The following STK32C variants were observed in gnomAD, a reference collection of about 807,000 sequenced individuals.
The protein encoded by STK32C is serine/threonine-protein kinase 32C.
Under a neutral mutation model 56.5 loss-of-function variants are expected in STK32C, and 31 were observed. The ratio of observed to expected loss-of-function variants is 0.55; its 90% CI spans 0.41 to 0.74. STK32C has a LOEUF of 0.74. STK32C is among the 30% of genes least tolerant of loss of function. STK32C has a pLI of 0.00. For missense variants in STK32C, 544 were observed against 676.9 expected, an observed-to-expected ratio of 0.80 and a Z score of 2.18; for synonymous variants, 309 against 289.4, an observed-to-expected ratio of 1.07 and a Z score of -0.69.
intron 1 of STK32C, among the ~76,000 whole-genome samples, chr10:132,280,361 C>G (rs897368671): frequency 6.8e-6 from 1 of 146,190 alleles, no homozygotes; most frequent in Non-Finnish European, 1.5e-5. Context: ...CGTGACCATG[C>G]CCCTGCACTC....
At chr10:132,248,038 C>T (rs911326095) in intron 1 of STK32C, among the ~76,000 whole-genome samples, 3 of 151,514 alleles carry the variant, frequency 2.0e-5, no homozygotes, top group African/African-American at 7.3e-5. Flanking sequence ...CGGCAGCTGC[C>T]CCACCCTGCA....
intron 10 of STK32C, among the ~76,000 whole-genome samples, chr10:132,210,599 T>C (rs1321353735): frequency 6.6e-6 from 1 of 152,220 alleles, no homozygotes; most frequent in Non-Finnish European, 1.5e-5. Flanking sequence ...CTGGACACCC[T>C]GTAAACCCAC....
chr10:132,211,508 G>A (rs558125334), intron 10 of STK32C, among the ~76,000 whole-genome samples: 13 of 152,322 alleles, frequency 8.5e-5, no homozygotes, highest in South Asian at 2.1e-4. Flanking sequence ...TCTGAGCAGC[G>A]CCCAAGCCGG....
intron 10 of STK32C, among the ~76,000 whole-genome samples, chr10:132,221,413 G>A (rs2062639390): frequency 7.1e-6 from 1 of 141,804 alleles, no homozygotes; most frequent in South Asian, 2.3e-4. Context: ...GCACACCTGG[G>A]CTAGTCTGAG....
chr10:132,238,733 C>T (rs557669952), intron 2 of STK32C, among the ~76,000 whole-genome samples: 20 of 152,284 alleles, frequency 1.3e-4, no homozygotes, highest in African/African-American at 4.3e-4. Context: ...CAGCAAGGCC[C>T]TGACATTAAA....
chr10:132,248,565 G>C (rs1259358842), intron 1 of STK32C, among the ~76,000 whole-genome samples: 1 of 152,234 alleles, frequency 6.6e-6, no homozygotes, highest in East Asian at 1.9e-4. Flanking sequence ...AGAGGCAAAA[G>C]AGCCACAGCG....
intron 1 of STK32C, among the ~76,000 whole-genome samples, chr10:132,246,664 G>A (rs2063706894): frequency 6.6e-6 from 1 of 152,226 alleles, no homozygotes; most frequent in Non-Finnish European, 1.5e-5. Context: ...TCACTCGTGA[G>A]ACCTGTCCGT....
chr10:132,223,091 T>C, intron 8 of STK32C, 105 bp from the exon 9 acceptor site: 4 of 1,436,096 alleles, frequency 2.8e-6, no homozygotes, highest in Non-Finnish European at 3.7e-6. Context: ...CCACCAAGCC[T>C]GAGGTTCAGA....
intron 1 of STK32C, among the ~76,000 whole-genome samples, chr10:132,263,865 C>CAAAAAAA (rs71472732): frequency 2.6e-5 from 2 of 75,898 alleles, no homozygotes; most frequent in African/African-American, 5.3e-5. Flanking sequence ...GACTCCATCT[C>CAAAAAAA]AAAAAAAAAA....
intron 1 of STK32C, among the ~76,000 whole-genome samples, chr10:132,274,555 C>T (rs988069834): frequency 7.2e-5 from 11 of 152,224 alleles, no homozygotes; most frequent in African/African-American, 2.7e-4. Flanking sequence ...CGCCCGCTGA[C>T]ATTCACCTGA....
chr10:132,247,603 G>T (rs1040954929), intron 1 of STK32C, among the ~76,000 whole-genome samples: 12 of 152,158 alleles, frequency 7.9e-5, no homozygotes, highest in African/African-American at 2.7e-4. Flanking sequence ...TGAGGGGCCA[G>T]CCTGGGCACA....
At chr10:132,321,520 T>A (rs2066406945), downstream of STK32C, among the ~76,000 whole-genome samples, 1 of 152,178 alleles carries the variant, frequency 6.6e-6, no homozygotes, top group Admixed American at 6.5e-5. Context: ...CCCTCTGGTC[T>A]GTAACCTCTT....
intron 2 of STK32C, among the ~76,000 whole-genome samples, chr10:132,237,178 CT>C (rs1414690775): frequency 1.9e-5 from 1 of 51,570 alleles, no homozygotes; most frequent in Non-Finnish European, 5.8e-5. Context: ...CACTCCCTGA[CT>C]GTGCTCCCTG....
At chr10:132,240,067 C>A (rs1341750235) in intron 2 of STK32C, among the ~76,000 whole-genome samples, 3 of 152,128 alleles carry the variant, frequency 2.0e-5, no homozygotes, top group Non-Finnish European at 2.9e-5. Context: ...CTGGAGAGCA[C>A]GAGGCCCCCC....
chr10:132,293,292 T>C (rs533277010), intron 1 of STK32C, among the ~76,000 whole-genome samples: 2 of 152,316 alleles, frequency 1.3e-5, no homozygotes, highest in African/African-American at 4.8e-5. Context: ...GGCTCTGAGA[T>C]GGCCCAGGGC....
At chr10:132,250,645 G>A (rs1384664458) in intron 1 of STK32C, among the ~76,000 whole-genome samples, 1 of 151,606 alleles carries the variant, frequency 6.6e-6, no homozygotes, top group African/African-American at 2.4e-5. Flanking sequence ...CCCGGGACAG[G>A]TCACTGCAGA....
intron 1 of STK32C, among the ~76,000 whole-genome samples, chr10:132,246,406 C>T (rs1280362019): frequency 2.6e-5 from 4 of 152,230 alleles, no homozygotes; most frequent in African/African-American, 7.2e-5. Flanking sequence ...CCCTGCTCCG[C>T]GTCTCCAGAG....
upstream of STK32C, among the ~76,000 whole-genome samples, chr10:132,311,583 C>T (rs1395462238): frequency 6.6e-6 from 1 of 152,236 alleles, no homozygotes. The surrounding 1 kb of genome is among the most constrained non-coding windows in gnomAD (Gnocchi z 4.4). Context: ...CGACGGAGAA[C>T]ATGCAGGACG....
At chr10:132,261,746 C>T (rs1394656293) in intron 1 of STK32C, among the ~76,000 whole-genome samples, 3 of 151,976 alleles carry the variant, frequency 2.0e-5, no homozygotes, top group South Asian at 2.1e-4. Context: ...GCCTGGGCAA[C>T]GGAGAGACAG....
Sources: gnomAD v4.1 joint callset for allele counts (sites outside exome capture counted in the v4.1 genomes callset) on GRCh38, gnomAD v4.1.1 for gene constraint, Gnocchi (gnomAD v3.1) non-coding constraint, MANE v1.5 for transcripts, NCBI Gene and HGNC (gene_info 2026-07-23, HGNC 2026-07-21) for gene names.